The following INPP4B variants were observed in gnomAD, a reference collection of about 807,000 sequenced individuals.
INPP4B encodes inositol polyphosphate-4-phosphatase type II B.
INPP4B carries 55 observed loss-of-function variants against 122.5 expected under a neutral mutation model. That is an observed-to-expected ratio of 0.45 (90% CI 0.36 to 0.56). The LOEUF (loss-of-function observed/expected upper bound fraction) is 0.56. Among genes scored for constraint, INPP4B ranks in the 20% least tolerant of loss-of-function variants. The pLI, the probability that INPP4B is intolerant of heterozygous loss-of-function variation, is 0.00. For synonymous variants in INPP4B, 403 were observed against 388.7 expected (o/e 1.04, Z -0.43); for missense variants, 1,000 against 1,097.7 (o/e 0.91, Z 1.26).
chr4:142,440,126 T>C (rs557489250), intron 3 of INPP4B, among the ~76,000 whole-genome samples: 14 of 152,310 alleles, frequency 9.2e-5, no homozygotes, highest in Non-Finnish European at 1.5e-5. Context: ...CATCCATTTA[T>C]TGTATAAACA....
intron 12 of INPP4B, among the ~76,000 whole-genome samples, chr4:142,225,285 G>C (rs907970590): frequency 2.6e-5 from 4 of 152,050 alleles, no homozygotes; most frequent in Non-Finnish European, 5.9e-5. Context: ...GGTCTGCCAG[G>C]GGCTCTCTGG....
At chr4:142,228,709 A>G (rs10012145) in intron 12 of INPP4B, among the ~76,000 whole-genome samples, 1,909 of 151,984 alleles carry the variant, frequency 0.013, 43 homozygotes, top group African/African-American at 0.043. Flanking sequence ...GCAATTTTAT[A>G]ATAAAAATAA....
chr4:142,243,190 TA>T (rs1413129924), intron 11 of INPP4B, among the ~76,000 whole-genome samples: 1 of 152,214 alleles, frequency 6.6e-6, no homozygotes, highest in Non-Finnish European at 1.5e-5. Flanking sequence ...CCACAAAATG[TA>T]AACTTTTTGA....
intron 2 of INPP4B, among the ~76,000 whole-genome samples, chr4:142,506,645 A>T (rs1353165558): frequency 6.6e-6 from 1 of 152,160 alleles, no homozygotes; most frequent in African/African-American, 2.4e-5. Flanking sequence ...GAAGTGGAGG[A>T]AGAGTGAAAA....
chr4:142,492,670 G>C (rs1822030556), intron 2 of INPP4B, among the ~76,000 whole-genome samples: 1 of 152,138 alleles, frequency 6.6e-6, no homozygotes, highest in Admixed American at 6.5e-5. Flanking sequence ...ACTTGAGAGA[G>C]ATAATTTAGG....
chr4:142,589,746 C>T (rs540609869), intron 2 of INPP4B, among the ~76,000 whole-genome samples: 38 of 152,064 alleles, frequency 2.5e-4, no homozygotes, highest in Non-Finnish European at 4.9e-4. Context: ...GATAACCTTA[C>T]CATATGACCC....
At chr4:142,108,752 C>A (rs1039868471) in intron 22 of INPP4B, among the ~76,000 whole-genome samples, 2 of 152,114 alleles carry the variant, frequency 1.3e-5, no homozygotes, top group African/African-American at 2.4e-5. Context: ...GTTCTGTACA[C>A]GTAGTCTTCC....
chr4:142,159,894 C>A (rs1362398885), intron 17 of INPP4B, among the ~76,000 whole-genome samples: 2 of 151,802 alleles, frequency 1.3e-5, no homozygotes, highest in African/African-American at 4.8e-5. Context: ...GAACCTTGAG[C>A]GAGAGGGATT....
At chr4:142,786,388 C>T (rs1187765993) in intron 1 of INPP4B, among the ~76,000 whole-genome samples, 1 of 151,876 alleles carries the variant, frequency 6.6e-6, no homozygotes, top group African/African-American at 2.4e-5. Flanking sequence ...TAGATTATAA[C>T]CCAAAGCATA....
intron 7 of INPP4B, among the ~76,000 whole-genome samples, chr4:142,354,242 A>G (rs1484938087): frequency 6.6e-6 from 1 of 152,040 alleles, no homozygotes; most frequent in Non-Finnish European, 1.5e-5. Flanking sequence ...ACATGGGCTC[A>G]GCAAATGTGT....
chr4:142,029,196 C>CTT (rs1738258563), intron 25 of INPP4B: 19 of 1,082,922 alleles, frequency 1.8e-5, no homozygotes, highest in Non-Finnish European at 2.1e-5. Flanking sequence ...TACAGCTCCA[C>CTT]TTTAGTTTCA....
chr4:142,495,175 G>A (rs190010030), intron 2 of INPP4B, among the ~76,000 whole-genome samples: 50 of 151,034 alleles, frequency 3.3e-4, no homozygotes, highest in Admixed American at 2.5e-3. Flanking sequence ...TCTATTATAC[G>A]TGAAACTATA....
chr4:142,471,762 C>T (rs1041804014), intron 2 of INPP4B, among the ~76,000 whole-genome samples: 2 of 136,208 alleles, frequency 1.5e-5, no homozygotes, highest in Non-Finnish European at 3.3e-5. Flanking sequence ...CTCCTGAGCA[C>T]CCGCAATCCA....
chr4:142,397,355 C>T (rs1799679254), intron 7 of INPP4B, among the ~76,000 whole-genome samples: 1 of 152,148 alleles, frequency 6.6e-6, no homozygotes, highest in South Asian at 2.1e-4. Flanking sequence ...GAGACATAAA[C>T]TCAGGTATTT....
rs2152242944 is a variant in INPP4B, at chr4:142,025,231, C to T, written c.*3551G>A. On this transcript the variant is annotated 3_prime_UTR_variant, in exon 26 of 26. Coordinates refer to ENST00000262992, the MANE Select transcript of INPP4B (RefSeq NM_001101669.3). ...TGTGGACAGTTTCAAGCTACGAACA[C>T]CATGTTACTGAATCTGCAGTCAGGA... 1.3e-5 allele frequency: 2 copies of T among 152,220 alleles called. No individual in the cohort carries two copies. Among genetic ancestry groups the T allele is most frequent in the South Asian group, 4.1e-4 (2 of 4,828 alleles). 9.4% of individuals were successfully genotyped at this position (152,220 alleles called of 1,614,324 possible).
intron 8 of INPP4B, chr4:142,305,966 C>T: frequency 1.0e-6 from 1 of 995,500 alleles, no homozygotes; most frequent in Non-Finnish European, 1.2e-6. Flanking sequence ...TTAGTTGGAG[C>T]TATTTTTATG....
chr4:142,715,274 A>G (rs1580760340), intron 2 of INPP4B, among the ~76,000 whole-genome samples: 1 of 152,226 alleles, frequency 6.6e-6, no homozygotes, highest in East Asian at 1.9e-4. Flanking sequence ...TAATGTTGCA[A>G]TGTCCAGTAT....
rs533792706 is a variant in INPP4B at position 142,489,726 on chromosome 4, C to T, written c.-190-27000G>A. 7.2e-5 allele frequency among the ~76,000 whole-genome samples: 11 copies of T among 152,110 alleles called. No individual in the cohort carries two copies. In the South Asian group the frequency reaches 1.0e-3, roughly 14 times the overall value. ...TGTTTAGGCTTTTTTGTCTAGTGATCCTACCAATTTCTGAGAGTCAATGTT... is the reference window on the plus strand; with the variant it reads ...TGTTTAGGCTTTTTTGTCTAGTGATTCTACCAATTTCTGAGAGTCAATGTT... On this transcript the variant is annotated intron_variant, in intron 2 of 25. Transcript: ENST00000262992.
At chr4:142,738,015 T>A (rs1316258283) in intron 1 of INPP4B, among the ~76,000 whole-genome samples, 1 of 152,238 alleles carries the variant, frequency 6.6e-6, no homozygotes, top group Non-Finnish European at 1.5e-5. Flanking sequence ...TTGGTGGGAC[T>A]GTAAACTAGT....
Sources: gnomAD v4.1 joint callset for allele counts (sites outside exome capture counted in the v4.1 genomes callset) on GRCh38, gnomAD v4.1.1 for gene constraint, MANE v1.5 for transcripts, NCBI Gene and HGNC (gene_info 2026-07-23, HGNC 2026-07-21) for gene names.